PPARGC1A: variants seen among roughly 807,000 people sequenced by gnomAD.
The protein encoded by PPARGC1A is PPARG coactivator 1 alpha.
A neutral mutation model predicts 88.7 loss-of-function variants in PPARGC1A; 25 were observed. The observed-to-expected ratio is 0.28, with a 90% CI of 0.21 to 0.39. The LOEUF is 0.39. PPARGC1A is among the 10% of genes least tolerant of loss of function. The pLI is 1.00. For missense variants in PPARGC1A, 880 were observed against 968.7 expected (o/e 0.91, Z 1.22); for synonymous variants, 363 against 355.6 (o/e 1.02, Z -0.24).
At chr4:24,432,944 G>T in the PPARGC1A span, among the ~76,000 whole-genome samples, 1 of 152,238 alleles carries the variant, frequency 6.6e-6, no homozygotes, top group Admixed American at 6.5e-5. Context: ...TTTGCCCCAT[G>T]GGTGTCACAT....
At chr4:24,082,350 G>C in the PPARGC1A span, among the ~76,000 whole-genome samples, 6 of 152,134 alleles carry the variant, frequency 3.9e-5, no homozygotes, top group Non-Finnish European at 7.4e-5. Context: ...GCTTTAGAGA[G>C]AGGTGCCACG....
the PPARGC1A span, among the ~76,000 whole-genome samples, chr4:24,148,856 A>C: frequency 6.6e-6 from 1 of 152,242 alleles, no homozygotes; most frequent in Non-Finnish European, 1.5e-5. Context: ...TCCATAAGTA[A>C]GGACATTCAC....
chr4:24,007,912 C>T, the PPARGC1A span, among the ~76,000 whole-genome samples: 1 of 152,154 alleles, frequency 6.6e-6, no homozygotes, highest in Non-Finnish European at 1.5e-5. Flanking sequence ...CTCTCTCCAC[C>T]GGCTCAGTGT....
At chr4:23,815,994 C>G (rs914355285) in intron 7 of PPARGC1A, among the ~76,000 whole-genome samples, 1 of 152,142 alleles carries the variant, frequency 6.6e-6, no homozygotes, top group African/African-American at 2.4e-5. Context: ...AAGATGCTGC[C>G]TCACTCTCCT....
chr4:24,315,400 G>T, the PPARGC1A span, among the ~76,000 whole-genome samples: 1 of 152,192 alleles, frequency 6.6e-6, no homozygotes, highest in African/African-American at 2.4e-5. Flanking sequence ...ATATGCAGAA[G>T]CTGGAAATTC....
At chr4:23,901,369 C>CAAA (rs766239228), upstream of PPARGC1A, among the ~76,000 whole-genome samples, 12 of 71,730 alleles carry the variant, frequency 1.7e-4, no homozygotes, top group African/African-American at 2.9e-4. Flanking sequence ...GACTCCGTCT[C>CAAA]AAAAAAAAAA....
At chr4:24,312,205 G>C in the PPARGC1A span, among the ~76,000 whole-genome samples, 1 of 152,078 alleles carries the variant, frequency 6.6e-6, no homozygotes, top group Non-Finnish European at 1.5e-5. Context: ...CTCTGGCTTT[G>C]AGCCTCTGGA....
chr4:24,111,364 A>G, the PPARGC1A span, among the ~76,000 whole-genome samples: 280 of 152,322 alleles, frequency 1.8e-3, 1 homozygote, highest in Middle Eastern at 0.02. Flanking sequence ...GTCATACATT[A>G]TATACACATA....
At chr4:24,129,823 A>G in the PPARGC1A span, among the ~76,000 whole-genome samples, 1 of 152,232 alleles carries the variant, frequency 6.6e-6, no homozygotes, top group Non-Finnish European at 1.5e-5. Flanking sequence ...GCCATAAAAA[A>G]TGATGAGTTC....
At chr4:24,247,590 A>G in the PPARGC1A span, among the ~76,000 whole-genome samples, 1 of 152,226 alleles carries the variant, frequency 6.6e-6, no homozygotes, top group African/African-American at 2.4e-5. Flanking sequence ...ACTAAGAATT[A>G]TATCTCAACC....
At chr4:23,916,540 C>T in the PPARGC1A span, among the ~76,000 whole-genome samples, 9 of 152,046 alleles carry the variant, frequency 5.9e-5, no homozygotes, top group African/African-American at 1.7e-4. Flanking sequence ...TAGATGCACA[C>T]GATATACTGC....
the PPARGC1A span, among the ~76,000 whole-genome samples, chr4:23,972,870 T>A: frequency 6.6e-6 from 1 of 152,196 alleles, no homozygotes; most frequent in East Asian, 1.9e-4. Context: ...TCCATGCATA[T>A]CTTCAGGTGT....
chr4:23,818,108 C>G (rs1163461473), intron 7 of PPARGC1A, among the ~76,000 whole-genome samples: 1 of 152,192 alleles, frequency 6.6e-6, no homozygotes, highest in Non-Finnish European at 1.5e-5. Context: ...TTTCATGCCA[C>G]AAGCCCAAAT....
chr4:24,401,168 A>C, the PPARGC1A span, among the ~76,000 whole-genome samples: 2 of 151,350 alleles, frequency 1.3e-5, no homozygotes, highest in Non-Finnish European at 2.9e-5. Flanking sequence ...ACAGGCGCCC[A>C]CCACTACGCC....
At chr4:24,181,677 T>C in the PPARGC1A span, among the ~76,000 whole-genome samples, 1 of 152,146 alleles carries the variant, frequency 6.6e-6, no homozygotes, top group Non-Finnish European at 1.5e-5. Context: ...ATACAGTAGA[T>C]GTCAGAATGA....
At chr4:24,217,720 T>A in the PPARGC1A span, among the ~76,000 whole-genome samples, 1 of 152,138 alleles carries the variant, frequency 6.6e-6, no homozygotes, top group Non-Finnish European at 1.5e-5. Context: ...GGAGAATCAC[T>A]TGAGCCCAGG....
At chr4:24,326,823 C>G in the PPARGC1A span, among the ~76,000 whole-genome samples, 6 of 152,178 alleles carry the variant, frequency 3.9e-5, no homozygotes, top group African/African-American at 1.4e-4. Flanking sequence ...CTTGACCTTA[C>G]TGTTTTAGCC....
chr4:23,862,076 T>C (rs145370959), intron 2 of PPARGC1A, among the ~76,000 whole-genome samples: 4 of 152,312 alleles, frequency 2.6e-5, no homozygotes, highest in Non-Finnish European at 5.9e-5. Context: ...CAGTGCCCAG[T>C]TTCACAATTC....
the PPARGC1A span, among the ~76,000 whole-genome samples, chr4:24,049,292 GTATATATATATGTGTGTATA>G: frequency 6.5e-5 from 6 of 92,582 alleles, no homozygotes; most frequent in Non-Finnish European, 1.4e-4. Flanking sequence ...ATATATGTGT[GTATATATATATGTGTGTATA>G]TATATATATA....
Sources: gnomAD v4.1 joint callset for allele counts (sites outside exome capture counted in the v4.1 genomes callset) on GRCh38, gnomAD v4.1.1 for gene constraint, MANE v1.5 for transcripts, NCBI Gene and HGNC (gene_info 2026-07-23, HGNC 2026-07-21) for gene names.